The following PKNOX1 variants were observed in gnomAD, a reference collection of about 807,000 sequenced individuals.
PKNOX1 encodes PBX/knotted 1 homeobox 1, also known as homeobox protein PKNOX1.
In PKNOX1, 15 loss-of-function variants were observed where a neutral mutation model predicts 51.9. The ratio of observed to expected loss-of-function variants is 0.29; its 90% CI spans 0.19 to 0.45. PKNOX1 has a LOEUF of 0.45. Ranked by LOEUF, PKNOX1 falls within the 20% of genes least tolerant of loss-of-function variation. The pLI is 1.00. For missense variants in PKNOX1, 462 were observed against 547.5 expected (o/e 0.84, Z 1.56); for synonymous variants, 219 against 211.1 (o/e 1.04, Z -0.32).
chr21:43,018,253 G>A (rs1473179966), intron 7 of PKNOX1, 23 bp downstream of exon 7: 15 of 1,518,962 alleles, frequency 9.9e-6, no homozygotes, highest in Non-Finnish European at 1.3e-5. Context: ...TTTTATGGAA[G>A]GCTTTGGGGG....
At chr21:42,974,830 AG>A (rs2058983542) in intron 1 of PKNOX1, among the ~76,000 whole-genome samples, 166 bp downstream of exon 1, 1 of 146,314 alleles carries the variant, frequency 6.8e-6, no homozygotes, top group South Asian at 2.2e-4. Flanking sequence ...CGCCCGGGGC[AG>A]GGGGCGGGGA....
At chr21:42,996,283 TG>T (rs1345288025) in intron 1 of PKNOX1, among the ~76,000 whole-genome samples, 4 of 151,978 alleles carry the variant, frequency 2.6e-5, no homozygotes, top group African/African-American at 4.8e-5. Flanking sequence ...GATTGTGTAG[TG>T]GGGGAGACCT....
At chr21:43,028,252 G>A (rs1601305915) in intron 9 of PKNOX1, among the ~76,000 whole-genome samples, 3 of 152,186 alleles carry the variant, frequency 2.0e-5, no homozygotes, top group Non-Finnish European at 1.5e-5. Context: ...CCAGAGGCTC[G>A]GCCCCGTTGG....
At chr21:42,980,011 A>G (rs978234135) in intron 1 of PKNOX1, among the ~76,000 whole-genome samples, 2 of 152,182 alleles carry the variant, frequency 1.3e-5, no homozygotes, top group African/African-American at 4.8e-5. Flanking sequence ...ACTGAGTACA[A>G]TGCATTTTGT....
intron 9 of PKNOX1, among the ~76,000 whole-genome samples, chr21:43,027,644 G>T (rs1021101361): frequency 1.3e-5 from 2 of 149,960 alleles, no homozygotes; most frequent in African/African-American, 4.9e-5. Context: ...GTTGGGCCAG[G>T]TGCAGTGGCT....
At chr21:42,981,369 A>G (rs4920025) in intron 1 of PKNOX1, among the ~76,000 whole-genome samples, 5,790 of 152,198 alleles carry the variant, frequency 0.038, 140 homozygotes, top group Middle Eastern at 0.061. Context: ...GTTTTGGATT[A>G]TTAGCCCCTG....
intron 1 of PKNOX1, among the ~76,000 whole-genome samples, chr21:42,990,234 G>C (rs568275984): frequency 6.6e-6 from 1 of 152,086 alleles, no homozygotes; most frequent in African/African-American, 2.4e-5. Context: ...ACTCCAGCCC[G>C]GGTGACAGAG....
chr21:42,995,876 G>C (rs1347674553), intron 1 of PKNOX1, among the ~76,000 whole-genome samples: 2 of 152,046 alleles, frequency 1.3e-5, no homozygotes, highest in Non-Finnish European at 2.9e-5. Context: ...GTATTTTAGA[G>C]CTTTTTCTGC....
intron 1 of PKNOX1, among the ~76,000 whole-genome samples, chr21:42,990,290 A>G (rs1222621729): frequency 6.6e-6 from 1 of 152,068 alleles, no homozygotes; most frequent in Non-Finnish European, 1.5e-5. Context: ...AATAATAAGT[A>G]ACGATCCACT....
At position 43,004,393 on chromosome 21, in the gene PKNOX1, A is replaced by G; in HGVS notation, c.12A>G (p.Thr4=). 6.2e-7 allele frequency: 1 copy of G among 1,607,578 alleles called. No homozygotes were observed. The highest frequency in any genetic ancestry group is 1.3e-5 in the African/African-American group (1 of 74,920). The stretch of plus-strand genomic sequence containing the variant: ...AACTCTGATGAACCATGATGGCTAC[A>G]CAGACATTAAGTATAGACAGCTATC... MMA[T]QTLSIDSYQD... Residue 4 remains threonine (T), a synonymous_variant, in exon 2 of 11, where the codon ACA becomes ACG. Coordinates refer to ENST00000291547, the MANE Select transcript of PKNOX1 (RefSeq NM_004571.5).
At chr21:43,001,756 C>G (rs568252739) in intron 1 of PKNOX1, among the ~76,000 whole-genome samples, 10 of 151,992 alleles carry the variant, frequency 6.6e-5, no homozygotes, top group African/African-American at 2.2e-4. Context: ...GTCAGGAGAT[C>G]GAGACCGTCC....
At chr21:43,022,132 T>C (rs1979787072) in intron 8 of PKNOX1, among the ~76,000 whole-genome samples, 1 of 152,210 alleles carries the variant, frequency 6.6e-6, no homozygotes, top group Non-Finnish European at 1.5e-5. Context: ...AGACGCCAGT[T>C]TGGCTTGGCC....
At chr21:43,009,040 C>T (rs895568768) in intron 3 of PKNOX1, among the ~76,000 whole-genome samples, 8 of 152,036 alleles carry the variant, frequency 5.3e-5, no homozygotes, top group South Asian at 2.1e-4. Context: ...AAGTGGCGGG[C>T]GCGGTGGCTC....
At chr21:42,995,634 T>C (rs907956325) in intron 1 of PKNOX1, among the ~76,000 whole-genome samples, 2 of 152,088 alleles carry the variant, frequency 1.3e-5, no homozygotes, top group African/African-American at 4.8e-5. Context: ...GCCAGAGTCT[T>C]GCCACTGCAT....
rs1389659096 is a variant in PKNOX1 at position 43,004,443 on chromosome 21, A to G, written c.51+11A>G. 1 of 1,577,546 alleles carries G rather than the reference A, an allele frequency of 6.3e-7. No homozygotes were observed. The highest frequency in any genetic ancestry group is 8.7e-7 in the Non-Finnish European group (1 of 1,146,760). The stretch of plus-strand genomic sequence containing the variant: ...CAAGATGGGCAACAGGTGAGCTTGA[A>G]CTTGATTCTGCATTCTAATTACAAA... On this transcript the variant is annotated intron_variant, in intron 2 of 10. Coordinates refer to ENST00000291547, the MANE Select transcript of PKNOX1 (RefSeq NM_004571.5).
chr21:43,006,878 T>C (rs1407333403), intron 2 of PKNOX1, among the ~76,000 whole-genome samples: 1 of 152,260 alleles, frequency 6.6e-6, no homozygotes, highest in African/African-American at 2.4e-5. Context: ...TTTGTTTTTG[T>C]AAACTGATTT....
chr21:43,000,105 C>T (rs1254384635), intron 1 of PKNOX1, among the ~76,000 whole-genome samples: 1 of 152,046 alleles, frequency 6.6e-6, no homozygotes, highest in Non-Finnish European at 1.5e-5. Flanking sequence ...TTGTCAAAGC[C>T]ATTCAACAAG....
At chr21:42,999,953 C>T (rs1486327014) in intron 1 of PKNOX1, among the ~76,000 whole-genome samples, 1 of 152,176 alleles carries the variant, frequency 6.6e-6, no homozygotes, top group Non-Finnish European at 1.5e-5. Context: ...CAGAGTTCCA[C>T]AAATCTCTAG....
chr21:43,027,848 G>A (rs1343670895), intron 9 of PKNOX1, among the ~76,000 whole-genome samples: 2 of 152,034 alleles, frequency 1.3e-5, no homozygotes, highest in African/African-American at 4.8e-5. Flanking sequence ...CCCAGGAGGC[G>A]GAGGTTGCGG....
Sources: allele counts gnomAD v4.1 joint callset (sites outside exome capture counted in the v4.1 genomes callset), GRCh38; gene constraint gnomAD v4.1.1; transcripts MANE v1.5; gene names NCBI Gene and HGNC (gene_info 2026-07-23, HGNC 2026-07-21).